The following CCSER1 variants were observed in gnomAD, a reference collection of about 807,000 sequenced individuals.
CCSER1 encodes serine-rich coiled-coil domain-containing protein 1.
In CCSER1, 41 loss-of-function variants were observed where a neutral mutation model predicts 82.0. The ratio of observed to expected loss-of-function variants is 0.50; its 90% CI spans 0.39 to 0.65. The LOEUF is 0.65. Ranked by LOEUF, CCSER1 falls within the 30% of genes least tolerant of loss-of-function variation. CCSER1 has a pLI of 0.00. For missense variants in CCSER1, 1,119 were observed against 1,064.2 expected (o/e 1.05, Z -0.72); for synonymous variants, 414 against 383.9 (o/e 1.08, Z -0.92).
chr4:91,532,835 A>G (rs962912540), intron 10 of CCSER1, among the ~76,000 whole-genome samples: 2 of 151,836 alleles, frequency 1.3e-5, no homozygotes, highest in Admixed American at 6.6e-5. Context: ...ACACCACTGC[A>G]CTGCAGCCTG....
intron 1 of CCSER1, among the ~76,000 whole-genome samples, chr4:90,154,299 A>G (rs1237375090): frequency 2.0e-5 from 3 of 152,220 alleles, no homozygotes; most frequent in Non-Finnish European, 4.4e-5. Flanking sequence ...GTATAGTTTG[A>G]AGTCAGGTAG....
intron 6 of CCSER1, among the ~76,000 whole-genome samples, chr4:90,690,790 ATGACCATT>A (rs1735686044): frequency 2.0e-5 from 3 of 151,994 alleles, no homozygotes; most frequent in African/African-American, 7.2e-5. Context: ...ATTCCCTAGA[ATGACCATT>A]TGGGATTGAA....
At chr4:90,356,754 C>T (rs1744436158) in intron 3 of CCSER1, among the ~76,000 whole-genome samples, 1 of 151,570 alleles carries the variant, frequency 6.6e-6, no homozygotes, top group South Asian at 2.1e-4. Context: ...AATCTTGTAA[C>T]CTTTTTATTT....
intron 8 of CCSER1, among the ~76,000 whole-genome samples, chr4:90,889,204 C>G (rs1033249833): frequency 6.6e-6 from 1 of 152,136 alleles, no homozygotes; most frequent in Non-Finnish European, 1.5e-5. Context: ...ATTCCACAGA[C>G]ATTTCCTGCT....
At chr4:90,180,890 A>G (rs1733611504) in intron 1 of CCSER1, among the ~76,000 whole-genome samples, 1 of 152,172 alleles carries the variant, frequency 6.6e-6, no homozygotes, top group Non-Finnish European at 1.5e-5. Context: ...TAGGTTGAGT[A>G]CTAGACTATA....
intron 10 of CCSER1, among the ~76,000 whole-genome samples, chr4:91,510,323 A>G (rs1314220896): frequency 6.6e-6 from 1 of 152,158 alleles, no homozygotes; most frequent in African/African-American, 2.4e-5. Context: ...ATATGAGTGT[A>G]GGTGTCTTTT....
intron 8 of CCSER1, among the ~76,000 whole-genome samples, chr4:90,823,145 ACT>A (rs1320867331): frequency 2.0e-5 from 3 of 151,938 alleles, no homozygotes; most frequent in African/African-American, 7.3e-5. Flanking sequence ...GTAATGAGAG[ACT>A]CTTTCCTAAG....
At chr4:90,362,276 G>C (rs1401983093) in intron 3 of CCSER1, among the ~76,000 whole-genome samples, 1 of 152,158 alleles carries the variant, frequency 6.6e-6, no homozygotes, top group African/African-American at 2.4e-5. Context: ...GTTCTTGATA[G>C]GGTGTAGGGC....
At chr4:91,135,177 A>C (rs1728354524) in intron 10 of CCSER1, among the ~76,000 whole-genome samples, 1 of 152,200 alleles carries the variant, frequency 6.6e-6, no homozygotes, top group Admixed American at 6.5e-5. Context: ...TATCACTAGT[A>C]ATTGGACAAG....
chr4:90,549,049 T>TACAATTAC (rs1348643167), intron 5 of CCSER1, among the ~76,000 whole-genome samples: 4 of 152,150 alleles, frequency 2.6e-5, no homozygotes, highest in Non-Finnish European at 5.9e-5. Context: ...GACCCCACTG[T>TACAATTAC]AATTGTACCT....
intron 1 of CCSER1, among the ~76,000 whole-genome samples, chr4:90,230,077 G>C (rs1050292783): frequency 6.6e-6 from 1 of 152,064 alleles, no homozygotes; most frequent in Non-Finnish European, 1.5e-5. Context: ...CAGAAAGTTA[G>C]CAAGGATATC....
At chr4:90,485,827 C>T (rs1478065902) in intron 5 of CCSER1, among the ~76,000 whole-genome samples, 1 of 151,968 alleles carries the variant, frequency 6.6e-6, no homozygotes, top group Non-Finnish European at 1.5e-5. Context: ...TGTTAGTTTG[C>T]TAAGGATAAT....
chr4:90,857,857 A>T (rs370215255), intron 8 of CCSER1, among the ~76,000 whole-genome samples: 8 of 152,170 alleles, frequency 5.3e-5, no homozygotes, highest in Non-Finnish European at 7.4e-5. Flanking sequence ...TGTATTCAGG[A>T]TTTTTGCTAA....
At chr4:91,055,643 T>A (rs1202170811) in intron 9 of CCSER1, among the ~76,000 whole-genome samples, 1 of 152,124 alleles carries the variant, frequency 6.6e-6, no homozygotes, top group African/African-American at 2.4e-5. Context: ...TTACTTGGAG[T>A]CCATTGAGCT....
intron 3 of CCSER1, among the ~76,000 whole-genome samples, chr4:90,380,973 C>A (rs1277593918): frequency 2.6e-5 from 4 of 152,178 alleles, no homozygotes; most frequent in African/African-American, 9.6e-5. Flanking sequence ...TGCGGGAGCA[C>A]AAAGATGGGC....
intron 5 of CCSER1, among the ~76,000 whole-genome samples, chr4:90,622,228 G>T (rs1722451065): frequency 6.6e-6 from 1 of 152,096 alleles, no homozygotes; most frequent in Admixed American, 6.5e-5. Flanking sequence ...TTTTAAGAGT[G>T]GGGTACTAGC....
chr4:91,117,650 G>T (rs777447462), intron 10 of CCSER1, among the ~76,000 whole-genome samples: 5 of 152,042 alleles, frequency 3.3e-5, no homozygotes, highest in African/African-American at 4.8e-5. Flanking sequence ...GTACCTTTGC[G>T]TTGTAAGGTG....
intron 1 of CCSER1, among the ~76,000 whole-genome samples, chr4:90,230,442 T>C (rs1486925498): frequency 6.6e-6 from 1 of 151,054 alleles, no homozygotes; most frequent in East Asian, 1.9e-4. Context: ...AGACACAACA[T>C]ACCAGAATCT....
chr4:90,496,439 T>C (rs1432665970), intron 5 of CCSER1, among the ~76,000 whole-genome samples: 2 of 152,196 alleles, frequency 1.3e-5, no homozygotes, highest in African/African-American at 4.8e-5. Flanking sequence ...AAAAAGTTTA[T>C]CACCAGATTT....
Sources: allele counts gnomAD v4.1 joint callset (sites outside exome capture counted in the v4.1 genomes callset), GRCh38; gene constraint gnomAD v4.1.1; transcripts MANE v1.5; gene names NCBI Gene and HGNC (gene_info 2026-07-23, HGNC 2026-07-21).